Variants in PLCB1 observed in about 807,000 individuals in gnomAD.
PLCB1 encodes the protein 1-phosphatidylinositol 4,5-bisphosphate phosphodiesterase beta-1.
PLCB1 carries 46 observed loss-of-function variants against 161.8 expected under a neutral mutation model. That is an observed-to-expected ratio of 0.28 (90% CI 0.22 to 0.36). The LOEUF (loss-of-function observed/expected upper bound fraction) is 0.36, where lower values mean the gene tolerates loss of function less well. Among genes scored for constraint, PLCB1 ranks in the 10% least tolerant of loss-of-function variants. PLCB1 has a pLI of 1.00. For missense variants in PLCB1, 1,016 were observed against 1,472.5 expected (o/e 0.69, Z 5.07); for synonymous variants, 517 against 503.7 (o/e 1.03, Z -0.35).
At chr20:8,444,214 G>A (rs1349407123) in intron 3 of PLCB1, among the ~76,000 whole-genome samples, 5 of 147,730 alleles carry the variant, frequency 3.4e-5, no homozygotes, top group East Asian at 4.2e-4. Flanking sequence ...GACAGGCCGC[G>A]GTGTGTGATG....
intron 3 of PLCB1, among the ~76,000 whole-genome samples, chr20:8,436,346 A>G (rs1024205221): frequency 2.7e-5 from 4 of 149,470 alleles, no homozygotes; most frequent in Non-Finnish European, 4.5e-5. Flanking sequence ...AAAAAAAAAG[A>G]ATATTGAACA....
At chr20:8,286,175 T>C (rs1374042682) in intron 2 of PLCB1, among the ~76,000 whole-genome samples, 1 of 152,092 alleles carries the variant, frequency 6.6e-6, no homozygotes, top group Non-Finnish European at 1.5e-5. Context: ...AATACAAAGA[T>C]TTGCCGGGCG....
intron 3 of PLCB1, among the ~76,000 whole-genome samples, chr20:8,533,809 T>C (rs1984930060): frequency 6.6e-6 from 1 of 152,150 alleles, no homozygotes; most frequent in Non-Finnish European, 1.5e-5. Context: ...TCCCATTTTG[T>C]AGGTTGCCTG....
chr20:8,244,112 A>C (rs1384543758), intron 2 of PLCB1, among the ~76,000 whole-genome samples: 1 of 151,966 alleles, frequency 6.6e-6, no homozygotes, highest in Admixed American at 6.6e-5. Context: ...TGGCAGTACC[A>C]CATTTGGCAA....
At chr20:8,491,436 A>T (rs1353018385) in intron 3 of PLCB1, among the ~76,000 whole-genome samples, 1 of 152,072 alleles carries the variant, frequency 6.6e-6, no homozygotes, top group East Asian at 1.9e-4. Flanking sequence ...CCCTCTTTCA[A>T]GGACTCTAAT....
chr20:8,133,761 C>G (rs530935954), intron 1 of PLCB1, among the ~76,000 whole-genome samples: 2 of 152,282 alleles, frequency 1.3e-5, no homozygotes, highest in South Asian at 4.1e-4. Flanking sequence ...TTGCCAGGCT[C>G]TAAGCAAATT....
intron 2 of PLCB1, among the ~76,000 whole-genome samples, chr20:8,303,993 C>T (rs1435556889): frequency 6.6e-6 from 1 of 152,148 alleles, no homozygotes; most frequent in African/African-American, 2.4e-5. Context: ...AAATGAATAG[C>T]ATTTCTTGCT....
At chr20:8,769,311 A>T (rs1176332264) in intron 26 of PLCB1, among the ~76,000 whole-genome samples, 8 of 151,958 alleles carry the variant, frequency 5.3e-5, no homozygotes, top group African/African-American at 7.2e-5. Flanking sequence ...TTGTGGTTTT[A>T]AAAAAAAGTG....
chr20:8,183,347 A>G (rs6055607), intron 2 of PLCB1, among the ~76,000 whole-genome samples: 47,699 of 152,158 alleles, frequency 0.31, 9,684 homozygotes, highest in African/African-American at 0.58. Context: ...AGTGAAATAT[A>G]TGTAAATGTA....
intron 3 of PLCB1, among the ~76,000 whole-genome samples, chr20:8,418,205 G>T (rs1037564799): frequency 2.0e-5 from 3 of 152,292 alleles, no homozygotes; most frequent in East Asian, 3.9e-4. Context: ...AGTCCCAAAA[G>T]TAGATGCAAC....
intron 10 of PLCB1, 42 bp from the exon 11 acceptor site, chr20:8,697,584 G>A: frequency 6.2e-7 from 1 of 1,608,376 alleles, no homozygotes; most frequent in Non-Finnish European, 8.5e-7. Flanking sequence ...GGTCATCCTT[G>A]CTTCATGGGA....
chr20:8,607,183 C>T (rs1395356310), intron 3 of PLCB1, among the ~76,000 whole-genome samples: 1 of 152,172 alleles, frequency 6.6e-6, no homozygotes, highest in East Asian at 1.9e-4. Context: ...CAAATTACAT[C>T]CAACGCATCC....
intron 2 of PLCB1, among the ~76,000 whole-genome samples, chr20:8,228,037 A>G (rs1979791683): frequency 2.0e-5 from 3 of 152,126 alleles, no homozygotes; most frequent in Non-Finnish European, 4.4e-5. Flanking sequence ...AGTGTGAAAA[A>G]TAAAAGTCGA....
intron 2 of PLCB1, among the ~76,000 whole-genome samples, chr20:8,365,127 T>C (rs913351717): frequency 2.6e-5 from 4 of 152,046 alleles, no homozygotes; most frequent in Non-Finnish European, 5.9e-5. Context: ...TTTCAGTTGG[T>C]TTAGCAGCAG....
intron 2 of PLCB1, among the ~76,000 whole-genome samples, chr20:8,258,393 A>C (rs962198792): frequency 6.6e-6 from 1 of 152,138 alleles, no homozygotes; most frequent in Non-Finnish European, 1.5e-5. Flanking sequence ...GTGCTATAGA[A>C]TCTTTACTAC....
chr20:8,370,174 G>T (rs970103754), intron 2 of PLCB1, among the ~76,000 whole-genome samples: 6 of 152,298 alleles, frequency 3.9e-5, no homozygotes, highest in Non-Finnish European at 7.3e-5. Context: ...GTCACTTTAA[G>T]ACAACTGCTC....
At chr20:8,758,289 A>G (rs1271821608) in intron 24 of PLCB1, among the ~76,000 whole-genome samples, 1 of 151,836 alleles carries the variant, frequency 6.6e-6, no homozygotes, top group East Asian at 1.9e-4. Context: ...CTGCTTTTTA[A>G]AAGGTTGCTG....
At chr20:8,515,729 A>G (rs537722104) in intron 3 of PLCB1, among the ~76,000 whole-genome samples, 1 of 152,318 alleles carries the variant, frequency 6.6e-6, no homozygotes, top group African/African-American at 2.4e-5. Flanking sequence ...AATGCATAAC[A>G]AACACCCCAA....
intron 2 of PLCB1, chr20:8,371,057 C>T (rs772827006): frequency 2.9e-5 from 7 of 243,210 alleles, no homozygotes; most frequent in South Asian, 7.5e-5. Flanking sequence ...CCCTCACCTA[C>T]GCTCAGTGAC....
Sources: gnomAD v4.1 joint callset for allele counts (sites outside exome capture counted in the v4.1 genomes callset) on GRCh38, gnomAD v4.1.1 for gene constraint, MANE v1.5 for transcripts, NCBI Gene and HGNC (gene_info 2026-07-23, HGNC 2026-07-21) for gene names.